STXBP5L: variants seen among roughly 807,000 people sequenced by gnomAD.
The protein encoded by STXBP5L is syntaxin-binding protein 5-like.
A neutral mutation model predicts 144.5 loss-of-function variants in STXBP5L; 65 were observed. The observed-to-expected ratio is 0.45, with a 90% CI of 0.37 to 0.55. The LOEUF (loss-of-function observed/expected upper bound fraction) is 0.55, where lower values mean the gene tolerates loss of function less well. Among genes scored for constraint, STXBP5L ranks in the 20% least tolerant of loss-of-function variants. STXBP5L has a pLI of 0.00. For missense variants in STXBP5L, 1,298 were observed against 1,405.5 expected (o/e 0.92, Z 1.22); for synonymous variants, 505 against 469.6 (o/e 1.08, Z -0.97).
At chr3:121,341,192 G>A (rs928817978) in intron 20 of STXBP5L, among the ~76,000 whole-genome samples, 1 of 152,028 alleles carries the variant, frequency 6.6e-6, no homozygotes, top group Non-Finnish European at 1.5e-5. Context: ...ATTTTAAAAT[G>A]GGCAAAAAAT....
chr3:121,365,560 CA>C (rs1289890881), intron 20 of STXBP5L, among the ~76,000 whole-genome samples: 1 of 151,708 alleles, frequency 6.6e-6, no homozygotes, highest in Non-Finnish European at 1.5e-5. Context: ...TGTTGGCATA[CA>C]AATGTTCATA....
At chr3:121,250,126 A>G (rs1444410943) in intron 14 of STXBP5L, among the ~76,000 whole-genome samples, 4 of 152,004 alleles carry the variant, frequency 2.6e-5, no homozygotes, top group Non-Finnish European at 5.9e-5. Context: ...GCCTATTCTC[A>G]TGAGGAATAT....
chr3:121,017,394 T>A (rs1945218475), intron 3 of STXBP5L, among the ~76,000 whole-genome samples: 1 of 152,192 alleles, frequency 6.6e-6, no homozygotes, highest in African/African-American at 2.4e-5. Context: ...TAAGGATGTA[T>A]CCCCAAGGAT....
At chr3:121,366,395 A>AT (rs2045865359) in intron 20 of STXBP5L, among the ~76,000 whole-genome samples, 1 of 151,812 alleles carries the variant, frequency 6.6e-6, no homozygotes, top group East Asian at 1.9e-4. Context: ...ATTTTCTCTC[A>AT]TTTTTTGCTT....
intron 5 of STXBP5L, among the ~76,000 whole-genome samples, chr3:121,103,324 T>C (rs547255512): frequency 1.2e-4 from 18 of 152,102 alleles, no homozygotes; most frequent in Non-Finnish European, 2.1e-4. Flanking sequence ...AGGAAGAAAA[T>C]TGGTGCATAT....
rs533765308 is a variant in STXBP5L, at chr3:121,015,681, C to T, written c.288-26019C>T. 1.1e-4 allele frequency among the ~76,000 whole-genome samples: 17 copies of T among 152,098 alleles called. No individual in the cohort carries two copies. The East Asian group carries it at 2.7e-3, about 24-fold the overall frequency. The stretch of plus-strand genomic sequence containing the variant: ...GACTCTGGCAGGGTGCTTATTCTTC[C>T]GAATAAGCATTGTAAAATATACTCA... On this transcript the variant is annotated intron_variant, in intron 3 of 26. Coordinates refer to ENST00000471454, the MANE Select transcript of STXBP5L (RefSeq NM_001308330.2).
intron 10 of STXBP5L, among the ~76,000 whole-genome samples, chr3:121,216,104 A>G (rs752386304): frequency 1.3e-5 from 2 of 151,900 alleles, no homozygotes; most frequent in African/African-American, 4.8e-5. Flanking sequence ...ACCTTTTTTC[A>G]AGGTTCTTAG....
At chr3:120,963,504 G>T (rs768583135) in intron 3 of STXBP5L, among the ~76,000 whole-genome samples, 1 of 152,086 alleles carries the variant, frequency 6.6e-6, no homozygotes, top group Non-Finnish European at 1.5e-5. Context: ...TTTGTCAAAG[G>T]TCTTTTTTGC....
rs186307635 is a variant in STXBP5L at position 120,919,873 on chromosome 3, C to T, written c.189+10106C>T. ...CATGTTTTATAACTTTTATGAAACTCCCTCTTATTCTTTTTTCAATGGCTC... is the reference window on the plus strand; with the variant it reads ...CATGTTTTATAACTTTTATGAAACTTCCTCTTATTCTTTTTTCAATGGCTC... On this transcript the variant is annotated intron_variant, in intron 2 of 26. Coordinates refer to ENST00000471454, the MANE Select transcript of STXBP5L (RefSeq NM_001308330.2). Among the ~76,000 whole-genome samples the T allele has an allele frequency of 3.2e-3, 483 of 151,750 alleles. 7 individuals carry two copies. The highest frequency in any genetic ancestry group is 3.0e-3 in the Non-Finnish European group (203 of 67,726).
At chr3:121,102,257 A>T (rs193221460) in intron 5 of STXBP5L, among the ~76,000 whole-genome samples, 6 of 152,302 alleles carry the variant, frequency 3.9e-5, no homozygotes, top group African/African-American at 1.4e-4. Flanking sequence ...TAGCCAAATC[A>T]GTCCTAAGCA....
intron 20 of STXBP5L, among the ~76,000 whole-genome samples, chr3:121,326,131 A>G (rs1017600249): frequency 3.4e-4 from 52 of 152,054 alleles, no homozygotes; most frequent in African/African-American, 1.2e-3. Context: ...TCATGGACTC[A>G]TTAACATTGT....
At chr3:121,075,710 T>G (rs1411309102) in intron 5 of STXBP5L, among the ~76,000 whole-genome samples, 1 of 152,204 alleles carries the variant, frequency 6.6e-6, no homozygotes, top group Admixed American at 6.5e-5. Context: ...TTTCTGATAT[T>G]GGCCTTTTTC....
chr3:121,359,396 T>G (rs115250768), intron 20 of STXBP5L, among the ~76,000 whole-genome samples: 3,303 of 152,068 alleles, frequency 0.022, 116 homozygotes, highest in African/African-American at 0.072. Flanking sequence ...TTTTCTCCCA[T>G]TCTGTGGTTT....
At chr3:120,961,821 T>C (rs1029975219) in intron 3 of STXBP5L, among the ~76,000 whole-genome samples, 1 of 152,230 alleles carries the variant, frequency 6.6e-6, no homozygotes, top group Non-Finnish European at 1.5e-5. Flanking sequence ...AAGGTACTTG[T>C]AGTTCTAGAT....
intron 5 of STXBP5L, among the ~76,000 whole-genome samples, chr3:121,112,283 G>C (rs1415829272): frequency 6.6e-6 from 1 of 152,054 alleles, no homozygotes; most frequent in Non-Finnish European, 1.5e-5. Context: ...GGTCACATAG[G>C]CTCACAAAGG....
intron 6 of STXBP5L, among the ~76,000 whole-genome samples, chr3:121,120,626 A>G (rs912497634): frequency 6.6e-6 from 1 of 151,262 alleles, no homozygotes; most frequent in South Asian, 2.1e-4. Context: ...TCAATATCCA[A>G]TGAATCTGTG....
intron 2 of STXBP5L, among the ~76,000 whole-genome samples, chr3:120,938,837 A>T (rs890432006): frequency 1.3e-5 from 2 of 151,870 alleles, no homozygotes; most frequent in African/African-American, 2.4e-5. Context: ...CTGGAGTGCA[A>T]TGGCAAAATC....
At chr3:121,127,306 G>T (rs1041514027) in intron 7 of STXBP5L, among the ~76,000 whole-genome samples, 2 of 151,960 alleles carry the variant, frequency 1.3e-5, no homozygotes, top group South Asian at 4.1e-4. Context: ...GTTTCCTATG[G>T]CTGCCATAAC....
At chr3:121,065,701 G>T (rs891278303) in intron 5 of STXBP5L, among the ~76,000 whole-genome samples, 3 of 152,088 alleles carry the variant, frequency 2.0e-5, no homozygotes, top group African/African-American at 7.2e-5. Context: ...ACAGGCATGT[G>T]CCACCATGCC....
Sources: gnomAD v4.1 joint callset for allele counts (sites outside exome capture counted in the v4.1 genomes callset) on GRCh38, gnomAD v4.1.1 for gene constraint, MANE v1.5 for transcripts, NCBI Gene and HGNC (gene_info 2026-07-23, HGNC 2026-07-21) for gene names.